USH2A: variants seen among roughly 807,000 people sequenced by gnomAD.
USH2A encodes the protein usherin.
A neutral mutation model predicts 538.9 loss-of-function variants in USH2A; 443 were observed. That is an observed-to-expected ratio of 0.82 (90% CI 0.76 to 0.89). The LOEUF is 0.89. USH2A is among the 40% of genes least tolerant of loss of function. The probability of loss-of-function intolerance (pLI) is 0.00; values close to 1 mark genes in which losing one functional copy is unlikely to be tolerated. For missense variants in USH2A, 6,633 were observed against 6,324.8 expected (o/e 1.05, Z -1.65); for synonymous variants, 2,413 against 2,273.5 (o/e 1.06, Z -1.75).
chr1:216,403,429 C>T (rs2039341005), intron 3 of USH2A, among the ~76,000 whole-genome samples: 1 of 152,018 alleles, frequency 6.6e-6, no homozygotes, highest in South Asian at 2.1e-4. Context: ...AAATTCTAGT[C>T]ACTGCAGTAA....
chr1:215,922,586 A>T (rs1038463287), intron 38 of USH2A, among the ~76,000 whole-genome samples: 19 of 152,116 alleles, frequency 1.2e-4, no homozygotes, highest in African/African-American at 4.3e-4. Context: ...GGTCTAGCTC[A>T]GTGGTCTTCA....
chr1:216,395,731 G>A (rs1489414792), intron 3 of USH2A, among the ~76,000 whole-genome samples: 1 of 152,206 alleles, frequency 6.6e-6, no homozygotes, highest in Non-Finnish European at 1.5e-5. Context: ...CAGGACGGAA[G>A]TAGGCAGAGA....
chr1:215,824,737 T>C (rs1571722258), intron 47 of USH2A, among the ~76,000 whole-genome samples: 1 of 152,104 alleles, frequency 6.6e-6, no homozygotes, highest in Non-Finnish European at 1.5e-5. Flanking sequence ...CAGGTAAAGG[T>C]CTCCTGCCAG....
chr1:216,095,681 G>T (rs2032425035), intron 22 of USH2A, among the ~76,000 whole-genome samples: 1 of 152,148 alleles, frequency 6.6e-6, no homozygotes, highest in Admixed American at 6.5e-5. Context: ...TCTGTCCCTG[G>T]TCCTTCGAGT....
intron 57 of USH2A, among the ~76,000 whole-genome samples, chr1:215,759,247 C>T (rs1660905228): frequency 6.6e-6 from 1 of 152,082 alleles, no homozygotes; most frequent in Non-Finnish European, 1.5e-5. Flanking sequence ...GAACTTTTTC[C>T]TCTAAAACTA....
At chr1:216,159,148 T>C (rs920098084) in intron 21 of USH2A, among the ~76,000 whole-genome samples, 2 of 152,136 alleles carry the variant, frequency 1.3e-5, no homozygotes, top group Admixed American at 6.5e-5. Flanking sequence ...ATAAAGATGG[T>C]TTACTTCTTC....
intron 3 of USH2A, among the ~76,000 whole-genome samples, chr1:216,379,453 CA>C (rs200210124): frequency 1.9e-3 from 267 of 141,218 alleles, no homozygotes; most frequent in East Asian, 2.3e-3. Flanking sequence ...CTTTCTCCAG[CA>C]AAAAAAAAAA....
chr1:215,956,530 G>GA (rs1010247370), intron 37 of USH2A, among the ~76,000 whole-genome samples: 8 of 152,120 alleles, frequency 5.3e-5, no homozygotes, highest in Admixed American at 4.6e-4. Context: ...AGAATGGAGA[G>GA]ATTCCTCCAC....
intron 48 of USH2A, 80 bp from the exon 49 acceptor site, chr1:215,813,984 AT>A: frequency 6.8e-7 from 1 of 1,480,126 alleles, no homozygotes; most frequent in Admixed American, 1.8e-5. Context: ...TAATATAATT[AT>A]TTTCTTGTAA....
intron 38 of USH2A, among the ~76,000 whole-genome samples, chr1:215,932,925 G>A (rs982283275): frequency 6.6e-5 from 10 of 151,862 alleles, no homozygotes; most frequent in Non-Finnish European, 1.2e-4. Context: ...CGCATATTCC[G>A]TTAGCAGTAG....
At chr1:215,976,045 G>A (rs1667612699) in intron 35 of USH2A, among the ~76,000 whole-genome samples, 1 of 152,064 alleles carries the variant, frequency 6.6e-6, no homozygotes, top group African/African-American at 2.4e-5. Flanking sequence ...TTGGATGGAT[G>A]TATGCCTAGG....
chr1:215,920,962 A>G (rs1341409403), intron 38 of USH2A, among the ~76,000 whole-genome samples: 2 of 152,078 alleles, frequency 1.3e-5, no homozygotes, highest in Non-Finnish European at 2.9e-5. Flanking sequence ...AATATTCCAC[A>G]TATGAATAAG....
intron 3 of USH2A, among the ~76,000 whole-genome samples, chr1:216,405,102 C>T (rs2039372533): frequency 6.6e-6 from 1 of 152,166 alleles, no homozygotes; most frequent in African/African-American, 2.4e-5. Flanking sequence ...GCAATTCACC[C>T]ACCTCAGCAT....
intron 54 of USH2A, among the ~76,000 whole-genome samples, chr1:215,781,684 C>T (rs1661646850): frequency 6.6e-6 from 1 of 152,082 alleles, no homozygotes; most frequent in African/African-American, 2.4e-5. Context: ...TTGTTCATAT[C>T]ATATTTAAAT....
intron 21 of USH2A, among the ~76,000 whole-genome samples, chr1:216,173,386 T>C: frequency 6.6e-6 from 1 of 152,128 alleles, no homozygotes; most frequent in Non-Finnish European, 1.5e-5. Context: ...TCCCAGAACA[T>C]GCCTGAACAC....
chr1:216,317,184 T>C (rs2037525212), intron 9 of USH2A, among the ~76,000 whole-genome samples: 1 of 152,124 alleles, frequency 6.6e-6, no homozygotes, highest in Non-Finnish European at 1.5e-5. Context: ...GAGGCAGAAA[T>C]ACCATTTGAC....
intron 21 of USH2A, among the ~76,000 whole-genome samples, chr1:216,156,299 T>TTTC (rs1422319602): frequency 4.5e-5 from 1 of 22,378 alleles, no homozygotes; most frequent in African/African-American, 1.1e-4. Flanking sequence ...TTTTTTCTTT[T>TTTC]TTTTTTTTTT....
chr1:216,352,349 G>A (rs1014567970), intron 4 of USH2A, among the ~76,000 whole-genome samples: 2 of 152,128 alleles, frequency 1.3e-5, no homozygotes, highest in Admixed American at 1.3e-4. Flanking sequence ...GCCAAGTGAA[G>A]AACGTATACC....
At chr1:215,720,065 A>C (rs938490013) in intron 61 of USH2A, among the ~76,000 whole-genome samples, 2 of 152,212 alleles carry the variant, frequency 1.3e-5, no homozygotes, top group Admixed American at 1.3e-4. Context: ...AAGTAACTCT[A>C]CTGGAACAGC....
Sources: allele counts gnomAD v4.1 joint callset (sites outside exome capture counted in the v4.1 genomes callset), GRCh38; gene constraint gnomAD v4.1.1; transcripts MANE v1.5; gene names NCBI Gene and HGNC (gene_info 2026-07-23, HGNC 2026-07-21).